TXNDC11: variants seen among roughly 807,000 people sequenced by gnomAD.
TXNDC11 encodes the protein thioredoxin domain-containing protein 11.
In TXNDC11, 68 loss-of-function variants were observed where a neutral mutation model predicts 78.0. The ratio of observed to expected loss-of-function variants is 0.87; its 90% CI spans 0.72 to 1.07. The LOEUF (loss-of-function observed/expected upper bound fraction) is 1.07, where lower values mean the gene tolerates loss of function less well. Ranked by LOEUF, TXNDC11 falls within the 50% of genes least tolerant of loss-of-function variation. The pLI is 0.00. For synonymous variants in TXNDC11, 571 were observed against 495.2 expected (o/e 1.15, Z -2.03); for missense variants, 1,389 against 1,221.8 (o/e 1.14, Z -2.04).
intron 8 of TXNDC11, 92 bp downstream of exon 8, chr16:11,691,198 C>G: frequency 9.0e-7 from 1 of 1,106,384 alleles, no homozygotes; most frequent in Non-Finnish European, 1.3e-6. Flanking sequence ...CATCACCCCA[C>G]AACTAAATGT....
rs1040741252 is a variant in TXNDC11 at position 11,742,848 on chromosome 16, C to A, written c.-118G>T. 1 of 1,310,668 alleles carries A rather than the reference C, an allele frequency of 7.6e-7. No individual in the cohort carries two copies. Among genetic ancestry groups the A allele is most frequent in the Non-Finnish European group, 9.7e-7 (1 of 1,030,164 alleles). 81.2% of individuals were successfully genotyped at this position (1,310,668 alleles called of 1,614,324 possible). A position where few individuals can be genotyped will look rare whatever the true frequency, so the allele number is the denominator to read the frequency against. On this transcript the variant is annotated 5_prime_UTR_variant, in exon 1 of 12. Transcript: ENST00000283033. ...CGCACCCGCTAACCCGGACGCTCCA[C>A]GTCAGCCGCGCCGCCGCCGCGGGGT...
In TXNDC11 at chr16:11,721,611, G is replaced by C. The variant is rs2051709645; in HGVS notation, c.759C>G (p.Thr253=). The change falls in exon 5 of 12, where the codon ACC becomes ACG. Residue 253 remains threonine, a synonymous_variant. Transcript: ENST00000283033. ...ATGAATGTAATGCTGAGGTGAAGAAGGTCAAATAACCAGGAGGCTGGGGTG... is the reference window on the plus strand; with the variant it reads ...ATGAATGTAATGCTGAGGTGAAGAACGTCAAATAACCAGGAGGCTGGGGTG... ...SGSPQPPGYL[T]FFTSALHSLK... The C allele has an allele frequency of 4.3e-6, 7 of 1,611,804 alleles. No individual in the cohort carries two copies. Among genetic ancestry groups the C allele is most frequent in the East Asian group, 2.2e-5 (1 of 44,776 alleles).
chr16:11,698,432 G>C, intron 6 of TXNDC11, 107 bp from the exon 7 acceptor site: 4 of 921,622 alleles, frequency 4.3e-6, no homozygotes, highest in Admixed American at 2.2e-5. Flanking sequence ...AGAAAACCCA[G>C]GCGTGGAGCG....
intron 1 of TXNDC11, among the ~76,000 whole-genome samples, chr16:11,740,886 G>A (rs2052371001): frequency 6.6e-6 from 1 of 152,202 alleles, no homozygotes; most frequent in South Asian, 2.1e-4. Context: ...TGTACTAAAT[G>A]AATAAATGCT....
chr16:11,713,885 C>T (rs1193692446), intron 5 of TXNDC11, among the ~76,000 whole-genome samples: 3 of 151,976 alleles, frequency 2.0e-5, no homozygotes, highest in Non-Finnish European at 2.9e-5. Context: ...TGCCATTTGC[C>T]GAGAACTGTT....
intron 11 of TXNDC11, 116 bp downstream of exon 11, chr16:11,684,049 T>C: frequency 1.4e-6 from 1 of 714,810 alleles, no homozygotes; most frequent in Non-Finnish European, 2.4e-6. Context: ...CCACGCCTGG[T>C]TCCTAAGGGA....
chr16:11,702,092 G>GTGTA (rs150869552), intron 5 of TXNDC11, among the ~76,000 whole-genome samples: 2 of 144,336 alleles, frequency 1.4e-5, no homozygotes, highest in Non-Finnish European at 3.0e-5. Flanking sequence ...GTATGTATGT[G>GTGTA]TATATATATA....
intron 5 of TXNDC11, among the ~76,000 whole-genome samples, chr16:11,714,663 T>G (rs1398097454): frequency 6.6e-6 from 1 of 151,772 alleles, no homozygotes; most frequent in Admixed American, 6.6e-5. Flanking sequence ...ATTTCCAATC[T>G]GACAGAACAA....
chr16:11,718,941 C>A lies in TXNDC11; in HGVS notation c.793+2636G>T, dbSNP rs540355382. Reference sequence around the variant, plus strand: ...ATTTTTAACCATTTATCCCTTTCAACCTTATTTTATATCTATTTTATTTAT... The same window carrying A: ...ATTTTTAACCATTTATCCCTTTCAAACTTATTTTATATCTATTTTATTTAT... On this transcript the variant is annotated intron_variant, in intron 5 of 11. Coordinates refer to ENST00000283033, the MANE Select transcript of TXNDC11 (RefSeq NM_015914.7). 1.2e-4 allele frequency among the ~76,000 whole-genome samples: 18 copies of A among 152,264 alleles called. 1 individual carries two copies. Among genetic ancestry groups the A allele is most frequent in the African/African-American group, 3.8e-4 (16 of 41,564 alleles).
intron 7 of TXNDC11, among the ~76,000 whole-genome samples, chr16:11,697,817 G>A (rs1427305116): frequency 6.6e-6 from 1 of 152,182 alleles, no homozygotes; most frequent in Non-Finnish European, 1.5e-5. Flanking sequence ...CTCAACAGCA[G>A]CCACATCAGA....
intron 5 of TXNDC11, among the ~76,000 whole-genome samples, chr16:11,709,485 A>G (rs1416288348): frequency 1.7e-5 from 2 of 116,042 alleles, no homozygotes; most frequent in African/African-American, 6.9e-5. Flanking sequence ...CCCAGGCTGG[A>G]GTGCAGTGGC....
intron 7 of TXNDC11, among the ~76,000 whole-genome samples, chr16:11,693,781 G>C (rs1274767377): frequency 2.0e-5 from 3 of 152,170 alleles, no homozygotes; most frequent in Non-Finnish European, 4.4e-5. Context: ...CTGACAGCAT[G>C]CAGTACTAAC....
chr16:11,728,601 A>C (rs1195037323), intron 4 of TXNDC11, among the ~76,000 whole-genome samples: 1 of 152,194 alleles, frequency 6.6e-6, no homozygotes, highest in Non-Finnish European at 1.5e-5. Context: ...TCGTCAGTAG[A>C]TTAGTGAGTC....
intron 5 of TXNDC11, 66 bp from the exon 6 acceptor site, chr16:11,700,630 T>C (rs1260175708): frequency 7.6e-6 from 6 of 792,360 alleles, no homozygotes; most frequent in South Asian, 1.5e-5. Context: ...CAAAACCCAG[T>C]GATCAAGTCT....
Position 11,705,052 on chromosome 16 carries a change from G to A in TXNDC11, c.794-4488C>T, listed in dbSNP as rs562299459. ...TGGGATTATAGGCATGCACCCCCAT[G>A]TCCAGCTAATTTTTCTGTATTTTTA... On this transcript the variant is annotated intron_variant, in intron 5 of 11. Transcript: ENST00000283033. 5.9e-5 allele frequency among the ~76,000 whole-genome samples: 9 copies of A among 151,966 alleles called. No individual in the cohort carries two copies. The East Asian group carries it at 1.5e-3, about 26-fold the overall frequency.
intron 5 of TXNDC11, among the ~76,000 whole-genome samples, chr16:11,707,925 T>TAA (rs1319617512): frequency 6.6e-6 from 1 of 151,456 alleles, no homozygotes; most frequent in Non-Finnish European, 1.5e-5. Context: ...TCTAAAAAAA[T>TAA]TTTTAAAAAT....
intron 5 of TXNDC11, among the ~76,000 whole-genome samples, chr16:11,705,754 ATTT>A (rs2051163300): frequency 6.6e-6 from 1 of 152,242 alleles, no homozygotes; most frequent in South Asian, 2.1e-4. Flanking sequence ...ACACGCTTCT[ATTT>A]AAGTTCTAGC....
rs2052442212 is a variant in TXNDC11, at chr16:11,742,651, G to GA, written c.79_80insT (p.Pro27LeufsTer83). 6.2e-6 allele frequency: 9 copies of GA among 1,461,630 alleles called. No homozygotes were observed. Among genetic ancestry groups the GA allele is most frequent in the East Asian group, 6.0e-5 (2 of 33,288 alleles). The allele number at this position is 1,461,630 out of a possible 1,614,324, so 90.5% of individuals were successfully genotyped here. A position where few individuals can be genotyped will look rare whatever the true frequency, so the allele number is the denominator to read the frequency against. On this transcript the variant is annotated frameshift_variant, in exon 1 of 12. Coordinates refer to ENST00000283033, the MANE Select transcript of TXNDC11 (RefSeq NM_015914.7). LOFTEE classifies it high-confidence loss of function. ...CGAGCTGAGGCAGTCTGAGCCCGCG[G>GA]GGCCGCCGCCGCCCCCTCCCTCGTC...
chr16:11,738,399 C>T (rs1300272171), intron 1 of TXNDC11, among the ~76,000 whole-genome samples: 1 of 152,224 alleles, frequency 6.6e-6, no homozygotes, highest in Non-Finnish European at 1.5e-5. Context: ...GTGCTTTGGG[C>T]ACAAGCACTA....
Sources: gnomAD v4.1 joint callset for allele counts (sites outside exome capture counted in the v4.1 genomes callset) on GRCh38, gnomAD v4.1.1 for gene constraint, MANE v1.5 for transcripts, NCBI Gene and HGNC (gene_info 2026-07-23, HGNC 2026-07-21) for gene names.